The following NTF3 variants were observed in gnomAD, a reference collection of about 807,000 sequenced individuals.
NTF3 encodes neurotrophin 3.
Under a neutral mutation model 26.3 loss-of-function variants are expected in NTF3, and 8 were observed. The ratio of observed to expected loss-of-function variants is 0.30; its 90% CI spans 0.18 to 0.55. The LOEUF (loss-of-function observed/expected upper bound fraction) is 0.55. Among genes scored for constraint, NTF3 ranks in the 20% least tolerant of loss-of-function variants. The pLI is 0.93. For missense variants in NTF3, 276 were observed against 352.9 expected, an observed-to-expected ratio of 0.78 and a Z score of 1.75; for synonymous variants, 154 against 145.5, an observed-to-expected ratio of 1.06 and a Z score of -0.42.
chr12:5,473,675 C>A (rs758694553), intron 1 of NTF3, among the ~76,000 whole-genome samples: 2 of 152,246 alleles, frequency 1.3e-5, no homozygotes, highest in African/African-American at 4.8e-5. Context: ...GAGTTCTGGG[C>A]AAGTCCCTTA....
intron 1 of NTF3, among the ~76,000 whole-genome samples, chr12:5,480,649 A>G (rs563705688): frequency 4.3e-4 from 66 of 152,170 alleles, no homozygotes; most frequent in African/African-American, 1.5e-3. Flanking sequence ...AGGGCTACAG[A>G]AGGGGTTGGT....
chr12:5,493,297 C>T (rs1002709749), intron 1 of NTF3, among the ~76,000 whole-genome samples: 3 of 152,050 alleles, frequency 2.0e-5, no homozygotes, highest in African/African-American at 7.3e-5. Context: ...GCCATTTCAA[C>T]AAGGAAATAG....
At chr12:5,453,366 C>T (rs147438215) in intron 1 of NTF3, among the ~76,000 whole-genome samples, 3 of 152,182 alleles carry the variant, frequency 2.0e-5, no homozygotes, top group Admixed American at 6.5e-5. Context: ...CCCCTCCTGC[C>T]TCCCCTTCCC....
intron 1 of NTF3, among the ~76,000 whole-genome samples, chr12:5,485,056 G>A (rs973801214): frequency 7.9e-5 from 12 of 152,196 alleles, no homozygotes; most frequent in African/African-American, 2.4e-4. Flanking sequence ...GAGTCTTTGG[G>A]TTCTTGGTTG....
intron 1 of NTF3, among the ~76,000 whole-genome samples, chr12:5,444,071 TC>T (rs34480507): frequency 0.3 from 46,114 of 152,100 alleles, 8,543 homozygotes; most frequent in Middle Eastern, 0.46. Context: ...ATCTTCCCGT[TC>T]CCTCTTCCAT....
chr12:5,441,643 C>T (rs1940238132), intron 1 of NTF3, among the ~76,000 whole-genome samples: 1 of 152,210 alleles, frequency 6.6e-6, no homozygotes, highest in Non-Finnish European at 1.5e-5. Context: ...GTGTCCCCCA[C>T]CTTGAATAGC....
intron 1 of NTF3, among the ~76,000 whole-genome samples, chr12:5,455,346 C>G (rs1940424822): frequency 2.6e-5 from 4 of 152,142 alleles, no homozygotes; most frequent in African/African-American, 7.2e-5. Context: ...TTATGCCAAG[C>G]TTCTTGAGCG....
chr12:5,445,292 GTGTGTGTA>G (rs377418623), intron 1 of NTF3, among the ~76,000 whole-genome samples: 38,100 of 102,684 alleles, frequency 0.37, 5,873 homozygotes, highest in Middle Eastern at 0.54. Flanking sequence ...TAAATGATGT[GTGTGTGTA>G]TGTGTGTGTG....
chr12:5,470,114 T>C (rs539242466), intron 1 of NTF3, among the ~76,000 whole-genome samples: 25 of 152,210 alleles, frequency 1.6e-4, no homozygotes, highest in Non-Finnish European at 1.2e-4. Context: ...TTAGTAGAGA[T>C]GGGGATTCAC....
At chr12:5,459,890 G>C (rs775128079) in intron 1 of NTF3, among the ~76,000 whole-genome samples, 1 of 152,156 alleles carries the variant, frequency 6.6e-6, no homozygotes, top group Non-Finnish European at 1.5e-5. Flanking sequence ...CATTCCAGAT[G>C]CTCGTCCTCA....
At chr12:5,483,213 C>T (rs2121239872) in intron 1 of NTF3, among the ~76,000 whole-genome samples, 1 of 152,208 alleles carries the variant, frequency 6.6e-6, no homozygotes, top group East Asian at 1.9e-4. Context: ...CTCTCTCTCT[C>T]TCTCTCTCTG....
intron 1 of NTF3, among the ~76,000 whole-genome samples, chr12:5,465,966 A>T (rs1230052090): frequency 6.6e-6 from 1 of 152,220 alleles, no homozygotes; most frequent in East Asian, 1.9e-4. Context: ...AGCTGATAGG[A>T]ATTGCTCAAG....
intron 1 of NTF3, among the ~76,000 whole-genome samples, chr12:5,473,628 G>GT (rs2121215176): frequency 6.6e-6 from 1 of 152,330 alleles, no homozygotes; most frequent in East Asian, 1.9e-4. Flanking sequence ...AGTAGGTGGA[G>GT]TGTGAGAGAG....
intron 1 of NTF3, among the ~76,000 whole-genome samples, chr12:5,483,557 A>G (rs369198351): frequency 5.3e-5 from 8 of 152,302 alleles, no homozygotes; most frequent in Non-Finnish European, 1.0e-4. Context: ...ATTTAGGTTG[A>G]TACTATGTCT....
chr12:5,439,494 C>T (rs1413927087), intron 1 of NTF3, among the ~76,000 whole-genome samples: 1 of 152,194 alleles, frequency 6.6e-6, no homozygotes, highest in East Asian at 1.9e-4. Flanking sequence ...AACCTGCTCC[C>T]TGCCCCCGGA....
intron 1 of NTF3, among the ~76,000 whole-genome samples, chr12:5,482,632 C>T (rs1054481565): frequency 6.6e-6 from 1 of 152,116 alleles, no homozygotes; most frequent in African/African-American, 2.4e-5. Flanking sequence ...AGAAGAGCCA[C>T]TGCCCAGTGT....
intron 1 of NTF3, among the ~76,000 whole-genome samples, chr12:5,481,497 C>CAA (rs879927436): frequency 0.38 from 12,347 of 32,238 alleles, 2,067 homozygotes; most frequent in Middle Eastern, 0.55. Context: ...ACCACAGATA[C>CAA]ACAGAATACC....
At chr12:5,462,404 C>A (rs1375469125) in intron 1 of NTF3, among the ~76,000 whole-genome samples, 1 of 152,180 alleles carries the variant, frequency 6.6e-6, no homozygotes, top group African/African-American at 2.4e-5. Flanking sequence ...TCTCTAACCT[C>A]AGCTTTCTCC....
chr12:5,482,269 C>G (rs1223224955), intron 1 of NTF3, among the ~76,000 whole-genome samples: 2 of 152,194 alleles, frequency 1.3e-5, no homozygotes, highest in Non-Finnish European at 2.9e-5. Context: ...GGCCAGGGTG[C>G]CAGGCACTGC....
Sources: allele counts gnomAD v4.1 joint callset (sites outside exome capture counted in the v4.1 genomes callset), GRCh38; gene constraint gnomAD v4.1.1; transcripts MANE v1.5; gene names NCBI Gene and HGNC (gene_info 2026-07-23, HGNC 2026-07-21).